Variants in MLANA observed in about 807,000 individuals in gnomAD.
MLANA encodes the protein melan-A.
In MLANA, 21 loss-of-function variants were observed where a neutral mutation model predicts 15.7. The ratio of observed to expected loss-of-function variants is 1.33; its 90% CI spans 0.95 to 1.92. The LOEUF (loss-of-function observed/expected upper bound fraction) is 1.92, where lower values mean the gene tolerates loss of function less well. Ranked by LOEUF, MLANA falls within the 40% of genes most tolerant of loss-of-function variation. The probability of loss-of-function intolerance (pLI) is 0.00; values close to 1 mark genes in which losing one functional copy is unlikely to be tolerated. For synonymous variants in MLANA, 56 were observed against 51.5 expected, an observed-to-expected ratio of 1.09 and a Z score of -0.37; for missense variants, 164 against 143.8, an observed-to-expected ratio of 1.14 and a Z score of -0.72.
At position 5,908,630 on chromosome 9, in the gene MLANA, G is replaced by T; in HGVS notation, c.289-10G>T. The stretch of plus-strand genomic sequence containing the variant: ...GCCAAGCCCATATTCTCCCTTTCTT[G>T]TTCTCACAGGTTCCCAATGCTCCAC... On this transcript the variant is annotated splice_polypyrimidine_tract_variant and intron_variant, in intron 4 of 4. Transcript: ENST00000381477. 1 of 1,612,986 alleles carries T rather than the reference G, an allele frequency of 6.2e-7. No individual in the cohort carries two copies. The highest frequency in any genetic ancestry group is 8.5e-7 in the Non-Finnish European group (1 of 1,179,096).
intron 1 of MLANA, among the ~76,000 whole-genome samples, chr9:5,892,234 AT>A (rs1368608619): frequency 6.6e-6 from 1 of 152,138 alleles, no homozygotes; most frequent in Non-Finnish European, 1.5e-5. Flanking sequence ...TTTGAACTTA[AT>A]TTTCAGTTAG....
At chr9:5,908,594 C>T (rs1344400718) in intron 4 of MLANA, 46 bp from the exon 5 acceptor site, 1 of 1,490,564 alleles carries the variant, frequency 6.7e-7, no homozygotes, top group Non-Finnish European at 9.4e-7. Flanking sequence ...CCTAGAAACA[C>T]ATACACTGTT....
chr9:5,892,592 G>A (rs372697384), intron 2 of MLANA, 41 bp downstream of exon 2: 205 of 1,571,196 alleles, frequency 1.3e-4, no homozygotes, highest in African/African-American at 5.2e-4. Context: ...CCAGTTTGCC[G>A]TTTGCTGACA....
chr9:5,908,497 C>A, intron 4 of MLANA, 143 bp from the exon 5 acceptor site: 1 of 726,876 alleles, frequency 1.4e-6, no homozygotes, highest in South Asian at 1.9e-5. Context: ...ACAATTACTT[C>A]ACTGGGCAGA....
At chr9:5,908,295 G>A (rs1047671825) in intron 4 of MLANA, among the ~76,000 whole-genome samples, 3 of 152,110 alleles carry the variant, frequency 2.0e-5, no homozygotes, top group African/African-American at 7.2e-5. Flanking sequence ...CAATTACAAC[G>A]ATCTCTGTGG....
At chr9:5,897,689 T>C in intron 3 of MLANA, 36 bp downstream of exon 3, 1 of 1,534,158 alleles carries the variant, frequency 6.5e-7, no homozygotes, top group Non-Finnish European at 9.0e-7. Flanking sequence ...TCCCTCCAAG[T>C]CCAGGGCCCT....
At position 5,909,626 on chromosome 9, in the gene MLANA, TCTAA is replaced by T. The variant is rs1833042531; in HGVS notation, c.*923_*926del. 1 of 152,252 alleles carries T rather than the reference TCTAA, an allele frequency of 6.6e-6. No individual in the cohort carries two copies. 9.4% of individuals were successfully genotyped at this position (152,252 alleles called of 1,614,324 possible). A position where few individuals can be genotyped will look rare whatever the true frequency, so the allele number is the denominator to read the frequency against. On this transcript the variant is annotated 3_prime_UTR_variant, in exon 5 of 5. Transcript: ENST00000381477. Reference sequence around the variant, plus strand: ...ATTTCACTTCAAGGCTCAATGCTATTCTAACTAATGACAAGTATTTTCTACTAAA... The same window carrying T: ...ATTTCACTTCAAGGCTCAATGCTATTCTAATGACAAGTATTTTCTACTAAA...
At chr9:5,891,200 G>A (rs1298690767) in intron 1 of MLANA, 1 of 152,234 alleles carries the variant, frequency 6.6e-6, no homozygotes, top group African/African-American at 2.4e-5. Flanking sequence ...CCTCCCTGAG[G>A]TAGATGTGTT....
chr9:5,903,671 G>C (rs1277491611), intron 3 of MLANA, among the ~76,000 whole-genome samples: 1 of 152,084 alleles, frequency 6.6e-6, no homozygotes, highest in Non-Finnish European at 1.5e-5. Context: ...CATGTATTTT[G>C]ATGCTGTGTT....
At chr9:5,908,313 G>C (rs1269062208) in intron 4 of MLANA, among the ~76,000 whole-genome samples, 1 of 152,204 alleles carries the variant, frequency 6.6e-6, no homozygotes, top group Non-Finnish European at 1.5e-5. Context: ...TGGTAAAGAT[G>C]CAATGTATAT....
intron 3 of MLANA, among the ~76,000 whole-genome samples, chr9:5,901,619 G>C (rs568124391): frequency 5.3e-5 from 8 of 151,980 alleles, no homozygotes; most frequent in Non-Finnish European, 1.2e-4. Flanking sequence ...CCCAGGCTCA[G>C]GTGATCCTCC....
intron 4 of MLANA, 158 bp downstream of exon 4, chr9:5,907,156 G>A (rs1433945396): frequency 1.0e-5 from 4 of 398,482 alleles, no homozygotes; most frequent in Non-Finnish European, 1.8e-5. Flanking sequence ...ACTTTTATGT[G>A]TATTTTATGA....
Position 5,894,905 on chromosome 9 carries a change from G to A in MLANA, c.77+2354G>A, listed in dbSNP as rs926647859. 3.3e-5 allele frequency among the ~76,000 whole-genome samples: 5 copies of A among 152,224 alleles called. No homozygotes were observed. The highest frequency in any genetic ancestry group is 1.2e-4 in the African/African-American group (5 of 41,452). On this transcript the variant is annotated intron_variant, in intron 2 of 4. Coordinates refer to ENST00000381477, the MANE Select transcript of MLANA (RefSeq NM_005511.2). The surrounding 1 kb of genome is among the most constrained non-coding windows in gnomAD (Gnocchi z 4.0). ...GGACAATGGCTTAATAAAGGGCAAA[G>A]GGGGTTATGACCACTATCATGTGAA...
intron 4 of MLANA, among the ~76,000 whole-genome samples, chr9:5,908,217 T>C (rs10815304): frequency 0.19 from 29,633 of 152,204 alleles, 3,084 homozygotes; most frequent in Middle Eastern, 0.31. Flanking sequence ...AATGAAGCCC[T>C]GACACATTTG....
chr9:5,892,520 G>T lies in MLANA; in HGVS notation c.46G>T (p.Gly16Trp). 6.2e-7 allele frequency: 1 copy of T among 1,613,716 alleles called. No individual in the cohort carries two copies. Among genetic ancestry groups the T allele is most frequent in the South Asian group, 1.1e-5 (1 of 91,004 alleles). Residue 16 changes from glycine (G) to tryptophan (W), a missense_variant, in exon 2 of 5, where the codon GGG becomes TGG. Physicochemically the swap from Gly to Trp is radical, Grantham distance 184 (BLOSUM62 -2). Coordinates refer to ENST00000381477, the MANE Select transcript of MLANA (RefSeq NM_005511.2). ...CTTCATCTATGGTTACCCCAAGAAG[G>T]GGCACGGCCACTCTTACACCACGGC... ...AHFIYGYPKK[G>W]HGHSYTTAEE...
intron 2 of MLANA, among the ~76,000 whole-genome samples, chr9:5,893,250 G>A (rs1420440640): frequency 1.3e-5 from 2 of 152,174 alleles, no homozygotes; most frequent in Non-Finnish European, 2.9e-5. Context: ...GACATACTCT[G>A]TATGTGCTGG....
intron 2 of MLANA, among the ~76,000 whole-genome samples, chr9:5,893,350 CT>C (rs1293573177): frequency 2.0e-5 from 3 of 152,186 alleles, no homozygotes; most frequent in African/African-American, 7.2e-5. Context: ...GGACAACACC[CT>C]CTTATGTGGT....
At chr9:5,902,668 C>CT (rs199637584) in intron 3 of MLANA, among the ~76,000 whole-genome samples, 10,406 of 141,000 alleles carry the variant, frequency 0.074, 439 homozygotes, top group South Asian at 0.17. Context: ...GATTAATTTT[C>CT]TTTTTTTTTT....
chr9:5,895,733 C>T (rs73395369), intron 2 of MLANA, among the ~76,000 whole-genome samples: 1,732 of 152,292 alleles, frequency 0.011, 27 homozygotes, highest in African/African-American at 0.04. Context: ...TGCACCTTAA[C>T]GTGCATCTCA....
Sources: gnomAD v4.1 joint callset for allele counts (sites outside exome capture counted in the v4.1 genomes callset) on GRCh38, gnomAD v4.1.1 for gene constraint, Gnocchi (gnomAD v3.1) non-coding constraint, MANE v1.5 for transcripts, NCBI Gene and HGNC (gene_info 2026-07-23, HGNC 2026-07-21) for gene names.